STXBP5L: variants seen among roughly 807,000 people sequenced by gnomAD.
STXBP5L encodes the protein syntaxin binding protein 5L.
In STXBP5L, 65 loss-of-function variants were observed where a neutral mutation model predicts 144.5. That is an observed-to-expected ratio of 0.45 (90% CI 0.37 to 0.55). STXBP5L has a LOEUF of 0.55. STXBP5L is among the 20% of genes least tolerant of loss of function. STXBP5L has a pLI of 0.00. For synonymous variants in STXBP5L, 505 were observed against 469.6 expected, an observed-to-expected ratio of 1.08 and a Z score of -0.97; for missense variants, 1,298 against 1,405.5, an observed-to-expected ratio of 0.92 and a Z score of 1.22.
At chr3:121,017,894 G>A (rs938564308) in intron 3 of STXBP5L, among the ~76,000 whole-genome samples, 1 of 152,044 alleles carries the variant, frequency 6.6e-6, no homozygotes, top group Non-Finnish European at 1.5e-5. Context: ...CCGGGGCAAT[G>A]TTGTGAGACC....
At chr3:121,341,824 C>T (rs973642938) in intron 20 of STXBP5L, among the ~76,000 whole-genome samples, 1 of 151,800 alleles carries the variant, frequency 6.6e-6, no homozygotes, top group Non-Finnish European at 1.5e-5. Flanking sequence ...CAGTTGAACT[C>T]GTGGACATAG....
At position 121,413,195 on chromosome 3, in the gene STXBP5L, T is replaced by C. The variant is rs183828872; in HGVS notation, c.2986T>C (p.Leu996=). ...SLRPMLDVNY[L]PLTDMRIART... ...TCGCCCAATGTTGGATGTTAATTATTTGCCACTGACAGACATGAGGATAGC... is the reference window on the plus strand; with the variant it reads ...TCGCCCAATGTTGGATGTTAATTATCTGCCACTGACAGACATGAGGATAGC... Residue 996 remains leucine (L), a synonymous_variant, in exon 24 of 27, where the codon TTG becomes CTG. Coordinates refer to ENST00000471454, the MANE Select transcript of STXBP5L (RefSeq NM_001308330.2). 88 of 1,605,724 alleles carry C rather than the reference T, an allele frequency of 5.5e-5. No homozygotes were observed. In the Admixed American group the frequency reaches 9.9e-4, roughly 18 times the overall value.
chr3:121,204,119 G>C (rs759990222), intron 9 of STXBP5L, among the ~76,000 whole-genome samples: 30 of 152,020 alleles, frequency 2.0e-4, no homozygotes, highest in Non-Finnish European at 3.7e-4. Context: ...CACACCTGTA[G>C]TTCCAGCTAC....
intron 3 of STXBP5L, among the ~76,000 whole-genome samples, chr3:121,035,124 C>T (rs1946665092): frequency 6.6e-6 from 1 of 151,246 alleles, no homozygotes; most frequent in South Asian, 2.1e-4. Flanking sequence ...TGTCAGTCCC[C>T]AGAATAGTTT....
chr3:121,379,977 G>A (rs1363578567), intron 21 of STXBP5L, among the ~76,000 whole-genome samples: 1 of 152,104 alleles, frequency 6.6e-6, no homozygotes, highest in Non-Finnish European at 1.5e-5. Flanking sequence ...TGGAGGTACA[G>A]GTGCACACCA....
chr3:121,211,229 G>A (rs1577221043), intron 10 of STXBP5L, among the ~76,000 whole-genome samples: 1 of 152,108 alleles, frequency 6.6e-6, no homozygotes, highest in Non-Finnish European at 1.5e-5. Context: ...TTGGCTCTCT[G>A]TCTGTTATTG....
intron 3 of STXBP5L, among the ~76,000 whole-genome samples, chr3:121,004,362 G>A (rs1944072628): frequency 6.6e-6 from 1 of 151,944 alleles, no homozygotes; most frequent in Non-Finnish European, 1.5e-5. Flanking sequence ...GTCTGTTATT[G>A]GTGTATAAGA....
chr3:121,165,669 C>A (rs913390190), intron 9 of STXBP5L, among the ~76,000 whole-genome samples: 1 of 152,040 alleles, frequency 6.6e-6, no homozygotes, highest in Admixed American at 6.6e-5. Flanking sequence ...GAAACAAGGA[C>A]TCTCAGCAAA....
chr3:120,942,657 A>G (rs1204683991), intron 2 of STXBP5L, among the ~76,000 whole-genome samples: 1 of 151,130 alleles, frequency 6.6e-6, no homozygotes, highest in Non-Finnish European at 1.5e-5. Context: ...TCTTCTACCT[A>G]GATAATTTAC....
At chr3:121,070,129 C>G (rs2041740059) in intron 5 of STXBP5L, among the ~76,000 whole-genome samples, 1 of 152,194 alleles carries the variant, frequency 6.6e-6, no homozygotes. Context: ...ACCGGCTCAG[C>G]CGGACATATG....
At chr3:121,100,252 A>T (rs576107805) in intron 5 of STXBP5L, among the ~76,000 whole-genome samples, 1 of 152,282 alleles carries the variant, frequency 6.6e-6, no homozygotes, top group Admixed American at 6.5e-5. Flanking sequence ...AATTGAAACT[A>T]ATATATGTCT....
intron 4 of STXBP5L, among the ~76,000 whole-genome samples, chr3:121,044,552 G>C (rs1183357243): frequency 2.0e-5 from 3 of 152,168 alleles, no homozygotes; most frequent in Non-Finnish European, 4.4e-5. Context: ...CCAAGGTTCT[G>C]AAAGATCACT....
In STXBP5L at chr3:121,095,519, G is replaced by A. The variant is rs12637737; in HGVS notation, c.471-19406G>A. 2.9e-4 allele frequency among the ~76,000 whole-genome samples: 44 copies of A among 151,974 alleles called. No individual in the cohort carries two copies. In the East Asian group the frequency reaches 4.4e-3, roughly 15 times the overall value. ...CTTTTTTCTCTAACCTTCTCTTCTC[G>A]CTTCATTTCATTCATTTGGTCTTCA... On this transcript the variant is annotated intron_variant, in intron 5 of 26. Transcript: ENST00000471454.
chr3:121,369,914 T>G (rs542476555), intron 20 of STXBP5L, among the ~76,000 whole-genome samples: 1 of 152,314 alleles, frequency 6.6e-6, no homozygotes, highest in East Asian at 1.9e-4. Context: ...TTCTTATAGA[T>G]GATGATATGG....
intron 2 of STXBP5L, among the ~76,000 whole-genome samples, chr3:120,952,828 G>C (rs1415005569): frequency 6.6e-6 from 1 of 151,814 alleles, no homozygotes; most frequent in Non-Finnish European, 1.5e-5. Context: ...AGTTTCTTTT[G>C]TACCCTGTCA....
At chr3:121,094,466 T>G (rs2043004496) in intron 5 of STXBP5L, among the ~76,000 whole-genome samples, 1 of 152,064 alleles carries the variant, frequency 6.6e-6, no homozygotes, top group Non-Finnish European at 1.5e-5. Flanking sequence ...CTGTATTGGG[T>G]GCATATATAT....
chr3:121,015,431 G>T (rs562260359), intron 3 of STXBP5L, among the ~76,000 whole-genome samples: 106 of 152,222 alleles, frequency 7.0e-4, no homozygotes, highest in African/African-American at 2.5e-3. Flanking sequence ...AGCCTGAAGA[G>T]AAAAGCAAAT....
chr3:121,393,779 C>G (rs566139562), intron 22 of STXBP5L, among the ~76,000 whole-genome samples: 1 of 152,188 alleles, frequency 6.6e-6, no homozygotes, highest in Non-Finnish European at 1.5e-5. Flanking sequence ...CTATTCTCTT[C>G]CATTTATCTA....
chr3:121,209,731 C>T (rs1290456322), intron 10 of STXBP5L, among the ~76,000 whole-genome samples: 2 of 152,134 alleles, frequency 1.3e-5, no homozygotes, highest in Admixed American at 6.6e-5. Flanking sequence ...TGGTTTCCAG[C>T]TTCATCCATG....
Sources: gnomAD v4.1 joint callset for allele counts (sites outside exome capture counted in the v4.1 genomes callset) on GRCh38, gnomAD v4.1.1 for gene constraint, MANE v1.5 for transcripts, NCBI Gene and HGNC (gene_info 2026-07-23, HGNC 2026-07-21) for gene names.